The following SYT1 variants were observed in gnomAD, a reference collection of about 807,000 sequenced individuals.
The protein encoded by SYT1 is synaptotagmin 1.
In SYT1, 8 loss-of-function variants were observed where a neutral mutation model predicts 44.8. That is an observed-to-expected ratio of 0.18 (90% CI 0.10 to 0.32). The LOEUF is 0.32. Ranked by LOEUF, SYT1 falls within the 10% of genes least tolerant of loss-of-function variation. The probability of loss-of-function intolerance (pLI) is 1.00; values close to 1 mark genes in which losing one functional copy is unlikely to be tolerated. For synonymous variants in SYT1, 154 were observed against 188.8 expected, an observed-to-expected ratio of 0.82 and a Z score of 1.51; for missense variants, 286 against 509.3, an observed-to-expected ratio of 0.56 and a Z score of 4.22.
intron 1 of SYT1, among the ~76,000 whole-genome samples, chr12:78,935,915 T>C (rs549046528): frequency 6.6e-6 from 1 of 152,256 alleles, no homozygotes; most frequent in Non-Finnish European, 1.5e-5. Context: ...CACAGCTTGA[T>C]CATATAATCT....
At chr12:79,392,409 A>T (rs1884693879) in intron 9 of SYT1, 1 of 152,228 alleles carries the variant, frequency 6.6e-6, no homozygotes, top group Non-Finnish European at 1.5e-5. Flanking sequence ...TTACATTAAG[A>T]ACATACCCAA....
intron 2 of SYT1, among the ~76,000 whole-genome samples, chr12:79,014,503 C>T (rs1871662700): frequency 6.6e-6 from 1 of 151,948 alleles, no homozygotes; most frequent in African/African-American, 2.4e-5. Flanking sequence ...AAATCAAAAC[C>T]ACAATGAGAT....
At chr12:79,283,173 T>A (rs1179048638) in intron 4 of SYT1, among the ~76,000 whole-genome samples, 1 of 152,168 alleles carries the variant, frequency 6.6e-6, no homozygotes, top group African/African-American at 2.4e-5. Context: ...AAGCATTTTT[T>A]ATTTTGTCTA....
At chr12:79,161,121 T>C (rs1319767946) in intron 3 of SYT1, among the ~76,000 whole-genome samples, 2 of 152,038 alleles carry the variant, frequency 1.3e-5, no homozygotes, top group Non-Finnish European at 2.9e-5. Context: ...GCACCTGTAG[T>C]CCCAGGTACT....
At chr12:79,302,235 A>T (rs972993264) in intron 8 of SYT1, among the ~76,000 whole-genome samples, 1 of 152,158 alleles carries the variant, frequency 6.6e-6, no homozygotes, top group Non-Finnish European at 1.5e-5. Flanking sequence ...GATGAAAGAT[A>T]TCAAAGAAAG....
intron 9 of SYT1, among the ~76,000 whole-genome samples, chr12:79,415,225 C>A (rs17005584): frequency 0.14 from 20,793 of 152,014 alleles, 1,860 homozygotes; most frequent in Middle Eastern, 0.34. Context: ...AAGAGATAAC[C>A]AATGTTAAAG....
intron 3 of SYT1, among the ~76,000 whole-genome samples, chr12:79,175,709 T>C (rs1429724151): frequency 5.3e-5 from 8 of 152,050 alleles, no homozygotes; most frequent in Admixed American, 5.2e-4. Context: ...AATTTCATCA[T>C]CTTATCATCA....
intron 2 of SYT1, among the ~76,000 whole-genome samples, chr12:78,981,459 G>T (rs118025848): frequency 3.7e-4 from 57 of 152,200 alleles, no homozygotes; most frequent in Admixed American, 7.2e-4. Context: ...TAACTATGTT[G>T]TTACATATCC....
chr12:79,399,073 A>G (rs1884977523), intron 9 of SYT1, among the ~76,000 whole-genome samples: 1 of 152,208 alleles, frequency 6.6e-6, no homozygotes, highest in Admixed American at 6.5e-5. Flanking sequence ...TACATAGTCC[A>G]GTATTGTTGT....
In SYT1 at chr12:79,370,117, G is replaced by T. The variant is rs183747839; in HGVS notation, c.928+16498G>T. On this transcript the variant is annotated intron_variant, in intron 9 of 10. Transcript: ENST00000261205. ...TTTCAAAAATGAGTCTCCGGCAACA[G>T]AGTTCCTATACTCTATGCTGAGAGA... Among the ~76,000 whole-genome samples, 31 of 152,222 alleles carry T rather than the reference G, an allele frequency of 2.0e-4. No individual in the cohort carries two copies. In the East Asian group the frequency reaches 4.8e-3, roughly 24 times the overall value.
chr12:79,196,460 C>T (rs1470004690), intron 3 of SYT1, among the ~76,000 whole-genome samples: 1 of 152,054 alleles, frequency 6.6e-6, no homozygotes, highest in Non-Finnish European at 1.5e-5. Context: ...GCCATCGCAC[C>T]CGGCTGTACA....
At chr12:79,246,290 C>T (rs780202019) in intron 4 of SYT1, among the ~76,000 whole-genome samples, 4 of 152,070 alleles carry the variant, frequency 2.6e-5, no homozygotes, top group Non-Finnish European at 5.9e-5. Context: ...TTCACGTTGC[C>T]TCTCTTTCAC....
chr12:79,179,700 G>C (rs111521099), intron 3 of SYT1, among the ~76,000 whole-genome samples: 2 of 151,488 alleles, frequency 1.3e-5, no homozygotes, highest in African/African-American at 4.8e-5. Context: ...GATTACAGGC[G>C]GGAGCCACCA....
chr12:79,263,662 T>G (rs995447777), intron 4 of SYT1, among the ~76,000 whole-genome samples: 4 of 152,186 alleles, frequency 2.6e-5, no homozygotes, highest in African/African-American at 9.6e-5. Flanking sequence ...TTTAGATGGT[T>G]ACATATAAGC....
intron 6 of SYT1, among the ~76,000 whole-genome samples, chr12:79,292,431 C>T (rs1480651102): frequency 1.3e-5 from 2 of 152,222 alleles, no homozygotes; most frequent in East Asian, 3.9e-4. Context: ...GCCACAGTCT[C>T]ACCTTCTCAG....
chr12:79,179,764 C>G (rs1014715294), intron 3 of SYT1, among the ~76,000 whole-genome samples: 9 of 151,794 alleles, frequency 5.9e-5, no homozygotes, highest in African/African-American at 1.9e-4. Flanking sequence ...GCCATTTGCT[C>G]TAGCCTAAGT....
chr12:79,414,018 C>A (rs544278690), intron 9 of SYT1, among the ~76,000 whole-genome samples: 3 of 152,144 alleles, frequency 2.0e-5, no homozygotes, highest in Admixed American at 2.0e-4. Flanking sequence ...CTGGAGTACA[C>A]CCCAATGAAA....
intron 2 of SYT1, among the ~76,000 whole-genome samples, chr12:79,045,277 C>A (rs994763062): frequency 6.6e-6 from 1 of 152,170 alleles, no homozygotes. Context: ...AGCGAGACTA[C>A]GTGGGCGTAG....
At chr12:79,344,141 G>T (rs911865234) in intron 8 of SYT1, among the ~76,000 whole-genome samples, 1 of 152,178 alleles carries the variant, frequency 6.6e-6, no homozygotes, top group African/African-American at 2.4e-5. Context: ...TTAAGCAGTT[G>T]ACCACATTTC....
Sources: allele counts gnomAD v4.1 joint callset (sites outside exome capture counted in the v4.1 genomes callset), GRCh38; gene constraint gnomAD v4.1.1; transcripts MANE v1.5; gene names NCBI Gene and HGNC (gene_info 2026-07-23, HGNC 2026-07-21).